SLC16A12: variants seen among roughly 807,000 people sequenced by gnomAD.
SLC16A12 encodes the protein solute carrier family 16 member 12.
SLC16A12 carries 17 observed loss-of-function variants against 42.4 expected under a neutral mutation model. The observed-to-expected ratio is 0.40, with a 90% CI of 0.27 to 0.60. SLC16A12 has a LOEUF of 0.60. Among genes scored for constraint, SLC16A12 ranks in the 20% least tolerant of loss-of-function variants. The pLI, the probability that SLC16A12 is intolerant of heterozygous loss-of-function variation, is 0.42. For missense variants in SLC16A12, 544 were observed against 623.0 expected (o/e 0.87, Z 1.35); for synonymous variants, 224 against 229.4 (o/e 0.98, Z 0.21).
At chr10:89,492,362 C>T (rs542938483) in intron 2 of SLC16A12, among the ~76,000 whole-genome samples, 27 of 151,952 alleles carry the variant, frequency 1.8e-4, no homozygotes, top group African/African-American at 6.3e-4. Flanking sequence ...ATATGTCGCC[C>T]GAGATAAGAG....
chr10:89,491,686 T>C (rs1162048268), intron 2 of SLC16A12, among the ~76,000 whole-genome samples: 4 of 152,192 alleles, frequency 2.6e-5, no homozygotes, highest in African/African-American at 9.7e-5. Flanking sequence ...ATCATGTGTG[T>C]GAATTAGATA....
intron 2 of SLC16A12, among the ~76,000 whole-genome samples, chr10:89,496,572 G>T (rs1293263293): frequency 1.3e-5 from 2 of 152,124 alleles, no homozygotes; most frequent in Non-Finnish European, 2.9e-5. Context: ...AGCGTCCAAT[G>T]AAATTACTGA....
At chr10:89,500,229 C>G (rs571654292) in intron 2 of SLC16A12, among the ~76,000 whole-genome samples, 2 of 152,250 alleles carry the variant, frequency 1.3e-5, no homozygotes. Flanking sequence ...GAATTGGTAC[C>G]AATCCTGTTG....
chr10:89,496,432 T>C (rs1842922852), intron 2 of SLC16A12, among the ~76,000 whole-genome samples: 2 of 152,082 alleles, frequency 1.3e-5, no homozygotes. Flanking sequence ...TGTAGACTAT[T>C]AGAAGGAACA....
intron 2 of SLC16A12, among the ~76,000 whole-genome samples, chr10:89,529,547 G>A (rs1474319811): frequency 7.0e-6 from 1 of 143,402 alleles, no homozygotes; most frequent in African/African-American, 2.7e-5. Flanking sequence ...TTCCTTTACA[G>A]TCTTTTTTTT....
chr10:89,549,553 A>G (rs1843759137), intron 2 of SLC16A12, among the ~76,000 whole-genome samples: 1 of 152,194 alleles, frequency 6.6e-6, no homozygotes, highest in East Asian at 1.9e-4. Context: ...TGTGTGAAGA[A>G]TGGAGAAGCA....
In SLC16A12 at chr10:89,436,113, C is replaced by T. The variant is rs1343597814; in HGVS notation, c.1235G>A (p.Gly412Asp). 2 of 1,613,840 alleles carry T rather than the reference C, an allele frequency of 1.2e-6. No homozygotes were observed. Among genetic ancestry groups the T allele is most frequent in the Non-Finnish European group, 1.7e-6 (2 of 1,179,978 alleles). ...VGTTSLSSAL[G>D]VVYFLHAVPY... ...CACTGCGTGAAGGAAGTATACCACA[C>T]CAAGCGCTGATGACAAAGAGGTGGT... The change falls in exon 7 of 8, where the codon GGT becomes GAT. Residue 412 changes from glycine to aspartate, a missense_variant. Physicochemically the swap from Gly to Asp is moderately conservative, Grantham distance 94. Coordinates refer to ENST00000371790, the MANE Select transcript of SLC16A12 (RefSeq NM_213606.4).
chr10:89,463,978 C>T (rs576012789), intron 2 of SLC16A12, among the ~76,000 whole-genome samples: 21 of 152,142 alleles, frequency 1.4e-4, no homozygotes, highest in Admixed American at 1.2e-3. Flanking sequence ...CAGAATATGG[C>T]ACCTGTGATG....
In SLC16A12 at chr10:89,504,347, A is replaced by T. The variant is rs1427017798; in HGVS notation, c.-47+30154T>A. 2.6e-5 allele frequency among the ~76,000 whole-genome samples: 4 copies of T among 152,200 alleles called. No individual in the cohort carries two copies. The East Asian group carries it at 5.8e-4, about 22-fold the overall frequency. On this transcript the variant is annotated intron_variant, in intron 2 of 7. Coordinates refer to ENST00000371790, the MANE Select transcript of SLC16A12 (RefSeq NM_213606.4). The stretch of plus-strand genomic sequence containing the variant: ...CTCTTAACTAATGCCTTTCCTTATT[A>T]CCTGTTCCCTGGTTCATCAAGTTCT...
intron 2 of SLC16A12, among the ~76,000 whole-genome samples, chr10:89,482,730 A>C (rs1187216370): frequency 6.6e-6 from 1 of 151,860 alleles, no homozygotes; most frequent in Non-Finnish European, 1.5e-5. Context: ...TTGCAATGAG[A>C]CAAGATCACA....
exon 2 of SLC16A12, chr10:89,555,909 G>C (rs1191113403): frequency 2.0e-5 from 3 of 151,234 alleles, no homozygotes; most frequent in African/African-American, 7.3e-5. Flanking sequence ...CTGTGATGCG[G>C]TCACGGCTTA....
chr10:89,447,922 A>G (rs1327188914), intron 3 of SLC16A12, among the ~76,000 whole-genome samples: 1 of 152,212 alleles, frequency 6.6e-6, no homozygotes. Flanking sequence ...AAAAAATGAC[A>G]AAGGGGAAAT....
intron 2 of SLC16A12, among the ~76,000 whole-genome samples, chr10:89,549,964 G>A (rs1843761122): frequency 6.6e-6 from 1 of 151,970 alleles, no homozygotes; most frequent in South Asian, 2.1e-4. Flanking sequence ...CTACTTTATG[G>A]TTTTATTATA....
chr10:89,436,014 T>C (rs781479886), intron 7 of SLC16A12, 46 bp downstream of exon 7: 1 of 1,611,706 alleles, frequency 6.2e-7, no homozygotes, highest in South Asian at 1.1e-5. Flanking sequence ...TTCACATCAA[T>C]ATGCCAAAGA....
At chr10:89,508,656 C>T (rs911403663) in intron 2 of SLC16A12, among the ~76,000 whole-genome samples, 1 of 152,016 alleles carries the variant, frequency 6.6e-6, no homozygotes, top group African/African-American at 2.4e-5. Flanking sequence ...CCTAACATCA[C>T]AATTAAAAGA....
Position 89,534,663 on chromosome 10 carries a change from AAAAAAAAATC to A in SLC16A12, c.-186-33_-186-24del, listed in dbSNP as rs1174639303. The A allele has an allele frequency of 8.7e-4, 129 of 148,754 alleles. 1 individual carries two copies. Among genetic ancestry groups the A allele is most frequent in the African/African-American group, 3.1e-3 (126 of 40,080 alleles). The allele number at this position is 148,754 out of a possible 1,614,324, so 9.2% of individuals were successfully genotyped here. ...TATCTGCAAAAAAAAAAAAAAAAAA[AAAAAAAAATC>A]CAAAAATTAGCCGGGCGTGGTGGCG... On this transcript the variant is annotated intron_variant, in intron 1 of 7. Transcript: ENST00000371790.
At chr10:89,456,288 C>T (rs1842188406) in intron 3 of SLC16A12, 1 of 152,150 alleles carries the variant, frequency 6.6e-6, no homozygotes, top group African/African-American at 2.4e-5. Context: ...TATAAGAATT[C>T]AACTATTGTT....
At chr10:89,522,312 CT>C (rs1179161136) in intron 2 of SLC16A12, among the ~76,000 whole-genome samples, 2 of 152,204 alleles carry the variant, frequency 1.3e-5, no homozygotes, top group African/African-American at 2.4e-5. Context: ...CCCTTGGGTC[CT>C]TTGCTGCTCC....
intron 3 of SLC16A12, among the ~76,000 whole-genome samples, chr10:89,459,571 T>C (rs1271994057): frequency 6.6e-6 from 1 of 151,542 alleles, no homozygotes; most frequent in African/African-American, 2.4e-5. Context: ...CAATGGATTA[T>C]GAATGTATGC....
Sources: allele counts gnomAD v4.1 joint callset (sites outside exome capture counted in the v4.1 genomes callset), GRCh38; gene constraint gnomAD v4.1.1; transcripts MANE v1.5; gene names NCBI Gene and HGNC (gene_info 2026-07-23, HGNC 2026-07-21).